The following MOB3A variants were observed in gnomAD, a reference collection of about 807,000 sequenced individuals.
MOB3A encodes the protein MOB LAK.
In MOB3A, 17 loss-of-function variants were observed where a neutral mutation model predicts 17.8. The ratio of observed to expected loss-of-function variants is 0.95; its 90% CI spans 0.65 to 1.43. MOB3A has a LOEUF of 1.43. Among genes scored for constraint, MOB3A ranks in the 40% most tolerant of loss-of-function variants. MOB3A has a pLI of 0.00. For missense variants in MOB3A, 333 were observed against 310.8 expected (o/e 1.07, Z -0.54); for synonymous variants, 124 against 133.2 (o/e 0.93, Z 0.48).
At chr19:2,083,126 C>T (rs1174958896) in intron 2 of MOB3A, among the ~76,000 whole-genome samples, 1 of 152,238 alleles carries the variant, frequency 6.6e-6, no homozygotes, top group Non-Finnish European at 1.5e-5. Context: ...AGATCACTGG[C>T]GTGAGCCACT....
At position 2,076,868 on chromosome 19, in the gene MOB3A, G is replaced by A. The variant is rs749543358; in HGVS notation, c.567C>T (p.His189=). The A allele has an allele frequency of 6.2e-7, 1 of 1,614,078 alleles. No homozygotes were observed. Among genetic ancestry groups the A allele is most frequent in the Non-Finnish European group, 8.5e-7 (1 of 1,180,048 alleles). Residue 189 remains histidine (H), a synonymous_variant, in exon 4 of 5, where the codon CAC becomes CAT. Transcript: ENST00000357066. ...SEAHVNTCYK[H]FYYFVKEFGL... ...CGAACTCCTTGACGAAATAGTAGAA[G>A]TGCTTGTAGCAGGTGTTCACGTGGG...
At chr19:2,091,340 C>T (rs979472826) in intron 1 of MOB3A, among the ~76,000 whole-genome samples, 8 of 152,096 alleles carry the variant, frequency 5.3e-5, no homozygotes, top group African/African-American at 1.9e-4. Context: ...ACCCAATATC[C>T]GATAAGTGCA....
intron 1 of MOB3A, among the ~76,000 whole-genome samples, chr19:2,092,438 C>T (rs566140834): frequency 1.3e-5 from 2 of 152,160 alleles, no homozygotes. Flanking sequence ...ATACTTTTCC[C>T]AGTCTGGGTA....
intron 1 of MOB3A, among the ~76,000 whole-genome samples, chr19:2,089,383 A>G (rs1004116575): frequency 1.3e-5 from 2 of 152,136 alleles, no homozygotes; most frequent in Non-Finnish European, 2.9e-5. Context: ...CACTCTCTGC[A>G]CTGTGGACAT....
intron 4 of MOB3A, among the ~76,000 whole-genome samples, chr19:2,075,460 C>G (rs2017392641): frequency 6.6e-6 from 1 of 151,968 alleles, no homozygotes; most frequent in Non-Finnish European, 1.5e-5. Flanking sequence ...ATAGTGAGAC[C>G]CCATCTCTAC....
chr19:2,090,853 G>A (rs552190272), intron 1 of MOB3A, among the ~76,000 whole-genome samples: 29 of 152,196 alleles, frequency 1.9e-4, no homozygotes, highest in African/African-American at 5.1e-4. Context: ...TAGTAGAGAC[G>A]GGGTTTCACC....
chr19:2,086,770 G>GT (rs2017558847), intron 1 of MOB3A, among the ~76,000 whole-genome samples: 1 of 151,994 alleles, frequency 6.6e-6, no homozygotes, highest in Non-Finnish European at 1.5e-5. Context: ...TCCTGTCACT[G>GT]TTTTGTGCTT....
At chr19:2,083,897 C>A (rs573832114) in intron 2 of MOB3A, among the ~76,000 whole-genome samples, 2 of 152,118 alleles carry the variant, frequency 1.3e-5, no homozygotes, top group Non-Finnish European at 2.9e-5. Flanking sequence ...TGGGCTGAGC[C>A]TCAGGGAGAA....
intron 2 of MOB3A, among the ~76,000 whole-genome samples, chr19:2,083,315 G>C (rs1207996191): frequency 6.6e-6 from 1 of 152,182 alleles, no homozygotes; most frequent in African/African-American, 2.4e-5. Flanking sequence ...TGTTGGGGGG[G>C]ACCTGAGGCC....
At position 2,071,202 on chromosome 19, in the gene MOB3A, G is replaced by C. The variant is rs1037351330; in HGVS notation, c.*2193C>G. 2 of 152,182 alleles carry C rather than the reference G, an allele frequency of 1.3e-5. No individual in the cohort carries two copies. Among genetic ancestry groups the C allele is most frequent in the African/African-American group, 2.4e-5 (1 of 41,426 alleles). 9.4% of individuals were successfully genotyped at this position (152,182 alleles called of 1,614,324 possible). ...GCTGCTGGAGACATCCCGAGCCCTGGGGGAGACAGAGGTGTGGGTGTTTGG... is the reference window on the plus strand; with the variant it reads ...GCTGCTGGAGACATCCCGAGCCCTGCGGGAGACAGAGGTGTGGGTGTTTGG... On this transcript the variant is annotated 3_prime_UTR_variant, in exon 5 of 5. Coordinates refer to ENST00000357066, the MANE Select transcript of MOB3A (RefSeq NM_130807.3).
chr19:2,095,961 C>A (rs897981044), intron 1 of MOB3A, among the ~76,000 whole-genome samples: 4 of 152,110 alleles, frequency 2.6e-5, no homozygotes, highest in Non-Finnish European at 5.9e-5. Flanking sequence ...CCAGACTGGT[C>A]TCGAACTCCC....
chr19:2,084,737 C>A (rs1568255105), intron 2 of MOB3A, among the ~76,000 whole-genome samples: 1 of 151,810 alleles, frequency 6.6e-6, no homozygotes, highest in Admixed American at 6.6e-5. Context: ...ACTACAGGCG[C>A]CCGCCACCAC....
intron 3 of MOB3A, 41 bp downstream of exon 3, chr19:2,078,099 G>T: frequency 6.6e-7 from 1 of 1,506,978 alleles, no homozygotes; most frequent in Non-Finnish European, 8.9e-7. Flanking sequence ...GACTTTTCTG[G>T]AAGGCTCTGT....
Position 2,073,433 on chromosome 19 carries a change from A to T in MOB3A, c.625-9T>A. On this transcript the variant is annotated splice_polypyrimidine_tract_variant and intron_variant, in intron 4 of 4. Transcript: ENST00000357066. The stretch of plus-strand genomic sequence containing the variant: ...CGGGCGGTCATTTCTTTCTGTAAAG[A>T]GCAAGCAAGACATCAGCTCCCACCA... 6.2e-7 allele frequency: 1 copy of T among 1,613,856 alleles called. No homozygotes were observed.
At chr19:2,089,839 G>C (rs1427201113) in intron 1 of MOB3A, among the ~76,000 whole-genome samples, 1 of 151,520 alleles carries the variant, frequency 6.6e-6, no homozygotes, top group African/African-American at 2.4e-5. Flanking sequence ...CTCTGGGTGA[G>C]TTTGTCCTGG....
chr19:2,090,944 G>A (rs1292715229), intron 1 of MOB3A, among the ~76,000 whole-genome samples: 7 of 152,192 alleles, frequency 4.6e-5, no homozygotes, highest in Non-Finnish European at 7.3e-5. Flanking sequence ...TTACAGGCGT[G>A]AGCCACCGCG....
intron 1 of MOB3A, among the ~76,000 whole-genome samples, chr19:2,088,269 C>T (rs1173330312): frequency 6.6e-6 from 1 of 152,154 alleles, no homozygotes; most frequent in Non-Finnish European, 1.5e-5. Context: ...GCTTGTCCTG[C>T]GAGTGGCAAG....
rs2017505117 is a variant in MOB3A, at chr19:2,082,752, C to T, written c.-120+2423G>A. ...TGCTCCAAGTCCAGGGACTGCTGAC[C>T]CATCTTGGTTTTGCTCGGCGGGGCA... On this transcript the variant is annotated intron_variant, in intron 2 of 4. Transcript: ENST00000357066. This position sits in a 1 kb window ranked among gnomAD's most constrained non-coding sequence, Gnocchi z 4.1. 6.6e-6 allele frequency among the ~76,000 whole-genome samples: 1 copy of T among 152,152 alleles called. No homozygotes were observed. The highest frequency in any genetic ancestry group is 6.6e-5 in the Admixed American group (1 of 15,266).
chr19:2,083,795 C>T (rs1568254745), intron 2 of MOB3A, among the ~76,000 whole-genome samples: 1 of 152,234 alleles, frequency 6.6e-6, no homozygotes, highest in Non-Finnish European at 1.5e-5. Context: ...GGCTTAGCTT[C>T]CAACCGTGCC....
Sources: gnomAD v4.1 joint callset for allele counts (sites outside exome capture counted in the v4.1 genomes callset) on GRCh38, gnomAD v4.1.1 for gene constraint, Gnocchi (gnomAD v3.1) non-coding constraint, MANE v1.5 for transcripts, NCBI Gene and HGNC (gene_info 2026-07-23, HGNC 2026-07-21) for gene names.